Variants in ADGRV1 observed in about 807,000 individuals in gnomAD.
ADGRV1 encodes the protein adhesion G protein-coupled receptor V1, also known as G-protein coupled receptor 98.
Under a neutral mutation model 596.2 loss-of-function variants are expected in ADGRV1, and 359 were observed. That is an observed-to-expected ratio of 0.60 (90% CI 0.55 to 0.66). ADGRV1 has a LOEUF of 0.66. Among genes scored for constraint, ADGRV1 ranks in the 30% least tolerant of loss-of-function variants. The probability of loss-of-function intolerance (pLI) is 0.00; values close to 1 mark genes in which losing one functional copy is unlikely to be tolerated. For missense variants in ADGRV1, 7,274 were observed against 7,575.6 expected (o/e 0.96, Z 1.48); for synonymous variants, 2,681 against 2,679.2 (o/e 1.00, Z -0.02).
chr5:90,939,408 T>G (rs1294564218), intron 83 of ADGRV1, among the ~76,000 whole-genome samples: 1 of 152,204 alleles, frequency 6.6e-6, no homozygotes, highest in Admixed American at 6.5e-5. Flanking sequence ...TTGAGTTCAT[T>G]ATTCAAATAC....
intron 84 of ADGRV1, among the ~76,000 whole-genome samples, chr5:90,979,664 A>C (rs1036029757): frequency 2.6e-5 from 4 of 152,206 alleles, no homozygotes; most frequent in Admixed American, 2.0e-4. Flanking sequence ...CTAAAAAAAC[A>C]TAGTCTGCAT....
At chr5:90,628,419 CAA>C (rs1403522970) in intron 7 of ADGRV1, 141 bp from the exon 8 acceptor site, 1 of 725,244 alleles carries the variant, frequency 1.4e-6, no homozygotes, top group Non-Finnish European at 2.3e-6. Context: ...CTCAAACAAA[CAA>C]AAATAACAAA....
chr5:90,899,433 T>C (rs1042344100), intron 83 of ADGRV1: 1 of 152,162 alleles, frequency 6.6e-6, no homozygotes. Context: ...TGGCCCTTGA[T>C]AGGTAAACAT....
chr5:90,604,120 C>T (rs1326414622), intron 1 of ADGRV1, among the ~76,000 whole-genome samples: 2 of 151,658 alleles, frequency 1.3e-5, no homozygotes, highest in African/African-American at 2.4e-5. Context: ...CCCAGATTTG[C>T]CAATTCTGGT....
At chr5:90,667,107 A>T (rs1179085622) in intron 21 of ADGRV1, among the ~76,000 whole-genome samples, 2 of 151,310 alleles carry the variant, frequency 1.3e-5, no homozygotes, top group East Asian at 1.9e-4. Flanking sequence ...GCTCTTCTCG[A>T]GGAGTATCTT....
chr5:91,117,758 TA>T (rs1792978830), intron 87 of ADGRV1, among the ~76,000 whole-genome samples: 2 of 152,322 alleles, frequency 1.3e-5, no homozygotes, highest in Admixed American at 1.3e-4. Flanking sequence ...AGTTAAATGC[TA>T]AACTGATGAT....
rs1769663394 is a variant in ADGRV1, at chr5:90,657,980, C to A, written c.4454C>A (p.Ser1485Tyr). ...ACAGGTCTGATGCAGGATGTGAGGTCCTATGAGCGGAAACTGACGCTTGAA... is the reference window on the plus strand; with the variant it reads ...ACAGGTCTGATGCAGGATGTGAGGTACTATGAGCGGAAACTGACGCTTGAA... ...RFTGLMQDVR[S>Y]YERKLTLEEI... Residue 1485 changes from serine to tyrosine, a missense_variant, in exon 21 of 90, where the codon TCC (serine) becomes TAC (tyrosine). This residue lies in a region of ADGRV1 where 3,643 missense variants were observed against 3,809.2 expected (regional missense o/e 0.96). Transcript: ENST00000405460. 3 of 1,613,856 alleles carry A rather than the reference C, an allele frequency of 1.9e-6. No individual in the cohort carries two copies. Among genetic ancestry groups the A allele is most frequent in the Non-Finnish European group, 1.7e-6 (2 of 1,179,850 alleles).
At chr5:90,797,926 A>T (rs1452477227) in intron 70 of ADGRV1, among the ~76,000 whole-genome samples, 3 of 152,158 alleles carry the variant, frequency 2.0e-5, no homozygotes, top group African/African-American at 7.2e-5. Flanking sequence ...CACAGCTAAC[A>T]CAGTGTTTAG....
chr5:90,741,171 T>TA (rs1732217945), intron 50 of ADGRV1, among the ~76,000 whole-genome samples: 1 of 152,136 alleles, frequency 6.6e-6, no homozygotes, highest in Non-Finnish European at 1.5e-5. Context: ...GGAATGCCCA[T>TA]ACCACATTCT....
At chr5:90,615,941 T>TA (rs1763311504) in intron 2 of ADGRV1, among the ~76,000 whole-genome samples, 1 of 152,000 alleles carries the variant, frequency 6.6e-6, no homozygotes, top group Non-Finnish European at 1.5e-5. Flanking sequence ...TTTTTACAGT[T>TA]ACGAATGTTA....
chr5:91,032,131 G>A (rs140464529), intron 85 of ADGRV1, among the ~76,000 whole-genome samples: 52 of 152,286 alleles, frequency 3.4e-4, no homozygotes, highest in Admixed American at 1.8e-3. Context: ...TGAGCATCCC[G>A]GAAGTAATAT....
At chr5:90,573,150 C>G (rs1308040757) in intron 1 of ADGRV1, among the ~76,000 whole-genome samples, 1 of 152,106 alleles carries the variant, frequency 6.6e-6, no homozygotes, top group Non-Finnish European at 1.5e-5. Context: ...TGGGATGTAG[C>G]TTTTCCTAAG....
chr5:90,775,435 CAT>C (rs1758123101), intron 60 of ADGRV1, among the ~76,000 whole-genome samples: 1 of 152,102 alleles, frequency 6.6e-6, no homozygotes, highest in Non-Finnish European at 1.5e-5. Flanking sequence ...GCTAATTAAA[CAT>C]AGAAGAATAT....
At chr5:90,661,996 A>G (rs1483234475) in intron 21 of ADGRV1, among the ~76,000 whole-genome samples, 2 of 152,090 alleles carry the variant, frequency 1.3e-5, no homozygotes, top group Non-Finnish European at 2.9e-5. Flanking sequence ...TCAGGACCCC[A>G]TTCCTGGATC....
chr5:90,593,457 G>C (rs1345831082), intron 1 of ADGRV1, among the ~76,000 whole-genome samples: 3 of 152,248 alleles, frequency 2.0e-5, no homozygotes, highest in South Asian at 4.2e-4. Context: ...GCCGTGGGGT[G>C]GGGGCTGGGG....
At chr5:90,989,858 C>G (rs1235162491) in intron 85 of ADGRV1, among the ~76,000 whole-genome samples, 4 of 152,006 alleles carry the variant, frequency 2.6e-5, no homozygotes, top group Non-Finnish European at 4.4e-5. Context: ...CTCTTGTTGC[C>G]CGGGCTGGAG....
chr5:91,161,304 C>G (rs1224885514), intron 89 of ADGRV1, among the ~76,000 whole-genome samples: 1 of 152,110 alleles, frequency 6.6e-6, no homozygotes, highest in African/African-American at 2.4e-5. Context: ...CCTTCGAAGG[C>G]CTGGAAGTAG....
At position 90,681,326 on chromosome 5, in the gene ADGRV1, G is replaced by C. The variant is rs750264291; in HGVS notation, c.5536G>C (p.Val1846Leu). ...PTIHKRASLG[V>L]ASQILVTIAA... ...ACTTGTTCATGCAGCCAGTCTAGGA[G>C]TGGCTTCCCAAATTCTAGTGACAAT... The change falls in exon 27 of 90, where the codon GTG becomes CTG. Residue 1846 changes from valine (V) to leucine (L), a missense_variant. Physicochemically the swap from Val to Leu is conservative, Grantham distance 32 (BLOSUM62 1). Coordinates refer to ENST00000405460, the MANE Select transcript of ADGRV1 (RefSeq NM_032119.4). 1.2e-6 allele frequency: 2 copies of C among 1,613,630 alleles called. No homozygotes were observed. Among genetic ancestry groups the C allele is most frequent in the East Asian group, 2.2e-5 (1 of 44,860 alleles).
intron 72 of ADGRV1, 51 bp from the exon 73 acceptor site, chr5:90,807,551 A>G (rs1417201197): frequency 2.0e-6 from 3 of 1,527,114 alleles, no homozygotes; most frequent in African/African-American, 1.4e-5. Context: ...TCAAATCCCA[A>G]TTTAAGAAAA....
Sources: gnomAD v4.1 joint callset for allele counts (sites outside exome capture counted in the v4.1 genomes callset) on GRCh38, gnomAD v4.1.1 for gene constraint, gnomAD v4.1.1 regional missense constraint, MANE v1.5 for transcripts, NCBI Gene and HGNC (gene_info 2026-07-23, HGNC 2026-07-21) for gene names.